ANXA1: variants seen among roughly 807,000 people sequenced by gnomAD.
ANXA1 encodes annexin A1.
ANXA1 carries 39 observed loss-of-function variants against 47.9 expected under a neutral mutation model. That is an observed-to-expected ratio of 0.81 (90% CI 0.63 to 1.06). The LOEUF (loss-of-function observed/expected upper bound fraction) is 1.06, where lower values mean the gene tolerates loss of function less well. Ranked by LOEUF, ANXA1 falls within the 50% of genes least tolerant of loss-of-function variation. The pLI is 0.00. For synonymous variants in ANXA1, 146 were observed against 142.5 expected (o/e 1.02, Z -0.17); for missense variants, 446 against 422.7 (o/e 1.06, Z -0.48).
In ANXA1 at chr9:73,158,716, G is replaced by T. The variant is rs778266723; in HGVS notation, c.88G>T (p.Gly30Cys). 32 of 1,613,706 alleles carry T rather than the reference G, an allele frequency of 2.0e-5. No homozygotes were observed. In the East Asian group the frequency reaches 6.5e-4, roughly 33 times the overall value. ...TTAGCAAACTGTGAAGTCATCCAAA[G>T]GTGGTCCCGGATCAGCGGTGAGCCC... ...EYVQTVKSSK[G>C]GPGSAVSPYP... Residue 30 changes from glycine to cysteine, a missense_variant, in exon 3 of 13, where the codon GGT (glycine) becomes TGT (cysteine). Coordinates refer to ENST00000257497, the MANE Select transcript of ANXA1 (RefSeq NM_000700.3).
chr9:73,168,818 C>T, intron 11 of ANXA1: 2 of 373,696 alleles, frequency 5.4e-6, no homozygotes, highest in Non-Finnish European at 9.6e-6. Flanking sequence ...GTTGTGACAG[C>T]TCTCTATACC....
intron 1 of ANXA1, chr9:73,154,352 T>G (rs1824015239): frequency 1.5e-6 from 2 of 1,365,888 alleles, no homozygotes; most frequent in East Asian, 4.5e-5. Flanking sequence ...TGTGAGTGAT[T>G]AAAAGAACAC....
rs746524290 is a variant in ANXA1 at position 73,169,059 on chromosome 9, A to C, written c.889A>C (p.Ile297Leu). ...KGVGTRHKALIRIMVSRSEID... is the reference protein window; with the variant it reads ...KGVGTRHKALLRIMVSRSEID... The stretch of plus-strand genomic sequence containing the variant: ...TGTTGGAACTCGCCATAAGGCATTG[A>C]TCAGGATTATGGTTTCCCGTTCTGA... The change falls in exon 12 of 13, where the codon ATC (isoleucine) becomes CTC (leucine). Residue 297 changes from isoleucine (I) to leucine (L), a missense_variant. Transcript: ENST00000257497. The C allele has an allele frequency of 5.9e-5, 95 of 1,612,906 alleles. No homozygotes were observed. Among genetic ancestry groups the C allele is most frequent in the Non-Finnish European group, 7.8e-5 (92 of 1,179,408 alleles).
intron 5 of ANXA1, 129 bp downstream of exon 5, chr9:73,160,505 T>C: frequency 1.6e-6 from 1 of 611,652 alleles, no homozygotes; most frequent in Non-Finnish European, 2.7e-6. Context: ...AATAAATAAA[T>C]TAATACCTCA....
intron 11 of ANXA1, chr9:73,168,575 G>A (rs2118180964): frequency 6.5e-6 from 1 of 153,750 alleles, no homozygotes; most frequent in South Asian, 2.0e-4. Flanking sequence ...TAAGTATAGA[G>A]TGATGGTGCA....
chr9:73,163,402 A>T, intron 7 of ANXA1, 74 bp from the exon 8 acceptor site: 2 of 1,394,298 alleles, frequency 1.4e-6, no homozygotes, highest in East Asian at 4.6e-5. Flanking sequence ...TATTTATCTG[A>T]GTTTAAGATA....
Position 73,167,727 on chromosome 9 carries a change from T to C in ANXA1, c.861+172T>C, listed in dbSNP as rs934881175. The C allele has an allele frequency of 1.7e-5, 10 of 592,074 alleles. No homozygotes were observed. In the African/African-American group the frequency reaches 1.9e-4, roughly 11 times the overall value. The allele number at this position is 592,074 out of a possible 1,614,324, so 36.7% of individuals were successfully genotyped here. A position where few individuals can be genotyped will look rare whatever the true frequency, so the allele number is the denominator to read the frequency against. On this transcript the variant is annotated intron_variant, in intron 11 of 12. Coordinates refer to ENST00000257497, the MANE Select transcript of ANXA1 (RefSeq NM_000700.3). ...CTACCTTCTCAGAATAAACTTCTGTTAGATTCGGTGCTTTTTTTTACAGAT... is the reference window on the plus strand; with the variant it reads ...CTACCTTCTCAGAATAAACTTCTGTCAGATTCGGTGCTTTTTTTTACAGAT...
At chr9:73,152,572 G>A (rs544654064) in intron 1 of ANXA1, among the ~76,000 whole-genome samples, 3 of 152,030 alleles carry the variant, frequency 2.0e-5, no homozygotes, top group Admixed American at 2.0e-4. Flanking sequence ...TTTTCTTGTA[G>A]GCTCTGTGTC....
chr9:73,165,048 G>T, intron 8 of ANXA1, 68 bp from the exon 9 acceptor site: 1 of 1,285,624 alleles, frequency 7.8e-7, no homozygotes, highest in Non-Finnish European at 1.1e-6. Context: ...CTTTGACAAG[G>T]TCTAACATTA....
In ANXA1 at chr9:73,165,153, A is replaced by G; in HGVS notation, c.650A>G (p.Asp217Gly). 1 of 1,612,836 alleles carries G rather than the reference A, an allele frequency of 6.2e-7. No individual in the cohort carries two copies. Among genetic ancestry groups the G allele is most frequent in the Non-Finnish European group, 8.5e-7 (1 of 1,179,126 alleles). The change falls in exon 9 of 13, where the codon GAC (aspartate) becomes GGC (glycine). Residue 217 changes from aspartate to glycine, a missense_variant. Asp to Gly is a moderately conservative substitution (Grantham distance 94). Transcript: ENST00000257497. ...GCAGGAGAAAGGAGAAAGGGGACAG[A>G]CGTAAACGTGTTCAATACCATCCTT... is the stretch of plus-strand genomic sequence containing the variant. ...YEAGERRKGT[D>G]VNVFNTILTT...
chr9:73,170,252 T>C lies in ANXA1; in HGVS notation c.*145T>C, dbSNP rs1371113463. 1.8e-6 allele frequency: 1 copy of C among 558,478 alleles called. No homozygotes were observed. Among genetic ancestry groups the C allele is most frequent in the Non-Finnish European group, 3.0e-6 (1 of 331,152 alleles). 34.6% of individuals were successfully genotyped at this position (558,478 alleles called of 1,614,324 possible). A position where few individuals can be genotyped will look rare whatever the true frequency, so the allele number is the denominator to read the frequency against. ...AAATATAGCCTTTAAATCATTTTTA[T>C]ATTATAACTCTGTATAATAGAGATA... On this transcript the variant is annotated 3_prime_UTR_variant, in exon 13 of 13. Coordinates refer to ENST00000257497, the MANE Select transcript of ANXA1 (RefSeq NM_000700.3).
chr9:73,169,716 C>T (rs1056993539), intron 12 of ANXA1, among the ~76,000 whole-genome samples: 1 of 152,086 alleles, frequency 6.6e-6, no homozygotes, highest in Non-Finnish European at 1.5e-5. Flanking sequence ...TTCTCTTCTT[C>T]TGGTGAGTGA....
chr9:73,167,912 G>C, intron 11 of ANXA1: 2 of 191,174 alleles, frequency 1.0e-5, no homozygotes, highest in Non-Finnish European at 2.1e-5. Context: ...CACTTTATGA[G>C]TCTGATTTGT....
In ANXA1 at chr9:73,167,002, A is replaced by C. The variant is rs113660731; in HGVS notation, c.803-495A>C. Among the ~76,000 whole-genome samples the C allele has an allele frequency of 2.6e-5, 4 of 152,116 alleles. No individual in the cohort carries two copies. The South Asian group carries it at 8.3e-4, about 31-fold the overall frequency. Reference sequence around the variant, plus strand: ...ACTCTTACTTTAGACACAGAGGTACATGTGCACGTTTGTTCCATGGGTGTT... The same window carrying C: ...ACTCTTACTTTAGACACAGAGGTACCTGTGCACGTTTGTTCCATGGGTGTT... On this transcript the variant is annotated intron_variant, in intron 10 of 12. Coordinates refer to ENST00000257497, the MANE Select transcript of ANXA1 (RefSeq NM_000700.3).
intron 5 of ANXA1, 21 bp downstream of exon 5, chr9:73,160,397 A>C (rs747122086): frequency 1.2e-5 from 18 of 1,520,056 alleles, no homozygotes; most frequent in Non-Finnish European, 1.4e-5. Flanking sequence ...CAATTTGAGC[A>C]AACTCCTTTC....
chr9:73,167,134 T>C lies in ANXA1; in HGVS notation c.803-363T>C, dbSNP rs1256802229. Among the ~76,000 whole-genome samples, 6 of 152,132 alleles carry C rather than the reference T, an allele frequency of 3.9e-5. No individual in the cohort carries two copies. The East Asian group carries it at 1.2e-3, about 29-fold the overall frequency. On this transcript the variant is annotated intron_variant, in intron 10 of 12. Coordinates refer to ENST00000257497, the MANE Select transcript of ANXA1 (RefSeq NM_000700.3). The stretch of plus-strand genomic sequence containing the variant: ...TGCAGTGTCTGTTGTTCATAGGGTG[T>C]TCTTTTTAAATGTTCTTATAGTAAC...
At chr9:73,163,129 A>G (rs1276913628) in intron 7 of ANXA1, among the ~76,000 whole-genome samples, 1 of 152,102 alleles carries the variant, frequency 6.6e-6, no homozygotes, top group African/African-American at 2.4e-5. Flanking sequence ...AAGAGAGAGA[A>G]TGGGGAGGTG....
At chr9:73,155,033 GC>G (rs1254647062) in intron 1 of ANXA1, among the ~76,000 whole-genome samples, 2 of 151,920 alleles carry the variant, frequency 1.3e-5, no homozygotes, top group African/African-American at 2.4e-5. Flanking sequence ...GAAAAATGAA[GC>G]GGGGGGACTC....
At chr9:73,163,855 A>AT (rs1299213552) in intron 8 of ANXA1, among the ~76,000 whole-genome samples, 1 of 152,124 alleles carries the variant, frequency 6.6e-6, no homozygotes, top group South Asian at 2.1e-4. Flanking sequence ...GGGAAATGTA[A>AT]TTTTTTTATT....
Sources: allele counts gnomAD v4.1 joint callset (sites outside exome capture counted in the v4.1 genomes callset), GRCh38; gene constraint gnomAD v4.1.1; transcripts MANE v1.5; gene names NCBI Gene and HGNC (gene_info 2026-07-23, HGNC 2026-07-21).